The following GPR83 variants were observed in gnomAD, a reference collection of about 807,000 sequenced individuals.
GPR83 encodes G-protein coupled receptor 72.
Under a neutral mutation model 28.0 loss-of-function variants are expected in GPR83, and 23 were observed. The ratio of observed to expected loss-of-function variants is 0.82; its 90% confidence interval spans 0.59 to 1.16. GPR83 has a LOEUF of 1.16. Ranked by LOEUF, GPR83 falls within the 50% of genes most tolerant of loss-of-function variation. GPR83 has a pLI of 0.00. For missense variants in GPR83, 610 were observed against 536.6 expected (o/e 1.14, Z -1.35); for synonymous variants, 234 against 215.4 (o/e 1.09, Z -0.76).
Position 94,378,578 on chromosome 11 carries a change from T to C in GPR83, c.*1571A>G, listed in dbSNP as rs2134677547. 6.6e-6 allele frequency: 1 copy of C among 152,662 alleles called. No individual in the cohort carries two copies. The highest frequency in any genetic ancestry group is 2.1e-4 in the South Asian group (1 of 4,810). 9.5% of individuals were successfully genotyped at this position (152,662 alleles called of 1,614,324 possible). A position where few individuals can be genotyped will look rare whatever the true frequency, so the allele number is the denominator to read the frequency against. The stretch of plus-strand genomic sequence containing the variant: ...TTAGACCCTTAAGAATTGAGATCTC[T>C]TAAGGATGCATAAGTTTCTGTAAGT... On this transcript the variant is annotated 3_prime_UTR_variant, in exon 4 of 4. Coordinates refer to ENST00000243673, the MANE Select transcript of GPR83 (RefSeq NM_016540.4).
At chr11:94,384,458 G>T (rs187215312) in intron 3 of GPR83, among the ~76,000 whole-genome samples, 1 of 152,190 alleles carries the variant, frequency 6.6e-6, no homozygotes, top group Non-Finnish European at 1.5e-5. Context: ...GAGAGGTACC[G>T]GGTTCATCTC....
At chr11:94,388,736 T>C (rs10466369) in intron 3 of GPR83, among the ~76,000 whole-genome samples, 4,161 of 152,232 alleles carry the variant, frequency 0.027, 221 homozygotes, top group African/African-American at 0.095. Context: ...ATTGTGAAAA[T>C]GGCCATACTG....
intron 3 of GPR83, among the ~76,000 whole-genome samples, chr11:94,382,156 C>T (rs904959313): frequency 2.6e-5 from 4 of 152,040 alleles, no homozygotes; most frequent in Non-Finnish European, 5.9e-5. Context: ...AGTTCCAGAC[C>T]AGCCTGACCA....
chr11:94,389,375 G>C (rs1326241971), intron 3 of GPR83, among the ~76,000 whole-genome samples: 3 of 152,202 alleles, frequency 2.0e-5, no homozygotes, highest in Non-Finnish European at 4.4e-5. Flanking sequence ...ACTACCATCA[G>C]AGTGAACAGG....
chr11:94,393,060 T>C (rs528533356), intron 3 of GPR83, among the ~76,000 whole-genome samples: 17 of 152,264 alleles, frequency 1.1e-4, no homozygotes, highest in African/African-American at 3.9e-4. Context: ...ATGATAAACA[T>C]ACATGGTAGG....
intron 3 of GPR83, among the ~76,000 whole-genome samples, chr11:94,383,575 G>A (rs927989739): frequency 3.3e-5 from 5 of 152,126 alleles, no homozygotes; most frequent in Non-Finnish European, 2.9e-5. Flanking sequence ...CAACAAACTT[G>A]ATAGACCACT....
intron 3 of GPR83, among the ~76,000 whole-genome samples, chr11:94,386,015 C>T (rs1198654835): frequency 3.3e-5 from 5 of 152,176 alleles, no homozygotes; most frequent in Admixed American, 3.3e-4. Context: ...AGAAACCCTA[C>T]AAGCCAGAAG....
Position 94,379,490 on chromosome 11 carries a change from G to T in GPR83, c.*659C>A, listed in dbSNP as rs1173013643. 1 of 152,122 alleles carries T rather than the reference G, an allele frequency of 6.6e-6. No homozygotes were observed. The highest frequency in any genetic ancestry group is 6.6e-5 in the Admixed American group (1 of 15,266). 9.4% of individuals were successfully genotyped at this position (152,122 alleles called of 1,614,324 possible). ...TCACAGATGTTATCACAAATGGATG[G>T]GATAAGAGAGTGATTTTGTGTGTGT... On this transcript the variant is annotated 3_prime_UTR_variant, in exon 4 of 4. Coordinates refer to ENST00000243673, the MANE Select transcript of GPR83 (RefSeq NM_016540.4).
At chr11:94,384,906 G>A (rs1944733698) in intron 3 of GPR83, among the ~76,000 whole-genome samples, 1 of 152,212 alleles carries the variant, frequency 6.6e-6, no homozygotes, top group East Asian at 1.9e-4. Context: ...GTCCTCAAGT[G>A]GGTCCTTGAC....
At chr11:94,385,878 C>T (rs986638458) in intron 3 of GPR83, among the ~76,000 whole-genome samples, 2 of 152,116 alleles carry the variant, frequency 1.3e-5, no homozygotes, top group Non-Finnish European at 2.9e-5. Flanking sequence ...AGAAGAGCAA[C>T]TCCAAGACAC....
At chr11:94,398,984 T>TG (rs1407101812) in intron 1 of GPR83, among the ~76,000 whole-genome samples, 1 of 152,200 alleles carries the variant, frequency 6.6e-6, no homozygotes, top group Non-Finnish European at 1.5e-5. Context: ...GGAGATCCTC[T>TG]GGGGCAGGTA....
rs1017030274 is a variant in GPR83 at position 94,380,224 on chromosome 11, G to T, written c.1197C>A (p.Asn399Lys). 2 of 1,524,712 alleles carry T rather than the reference G, an allele frequency of 1.3e-6. No individual in the cohort carries two copies. Among genetic ancestry groups the T allele is most frequent in the South Asian group, 2.6e-5 (2 of 75,612 alleles). The allele number at this position is 1,524,712 out of a possible 1,614,324, so 94.4% of individuals were successfully genotyped here. A position where few individuals can be genotyped will look rare whatever the true frequency, so the allele number is the denominator to read the frequency against. Reference sequence around the variant, plus strand: ...ACTGGAGTTGGGAGGTGGGCAGGAGGTTATTGGCAAGGGGAGCCCTCTGGC... The same window carrying T: ...ACTGGAGTTGGGAGGTGGGCAGGAGTTTATTGGCAAGGGGAGCCCTCTGGC... ...NDGQRAPLAN[N>K]LLPTSQLQSG... Residue 399 changes from asparagine (N) to lysine (K), a missense_variant, in exon 4 of 4, where the codon AAC becomes AAA. Physicochemically the swap from Asn to Lys is moderately conservative, Grantham distance 94. Coordinates refer to ENST00000243673, the MANE Select transcript of GPR83 (RefSeq NM_016540.4).
In GPR83 at chr11:94,396,527, G is replaced by A; in HGVS notation, c.388-3C>T. ...CATGTGCTGTTCACAAAGCGAACCTGGAGATGAGCCCAAAGATGTTAGGAG... is the reference window on the plus strand; with the variant it reads ...CATGTGCTGTTCACAAAGCGAACCTAGAGATGAGCCCAAAGATGTTAGGAG... On this transcript the variant is annotated splice_polypyrimidine_tract_variant and splice_region_variant and intron_variant, in intron 1 of 3. Transcript: ENST00000243673. 1 of 1,613,426 alleles carries A rather than the reference G, an allele frequency of 6.2e-7. No individual in the cohort carries two copies. The highest frequency in any genetic ancestry group is 2.2e-5 in the East Asian group (1 of 44,880).
At position 94,400,966 on chromosome 11, in the gene GPR83, A is replaced by G; in HGVS notation, c.282T>C (p.His94=). ...FSLFGNVLVC[H]VIFKNQRMHS... ...GCATTCGCTGGTTCTTGAAGATGAC[A>G]TGACAGACCAGGACGTTGCCAAAGA... The change falls in exon 1 of 4, where the codon CAT becomes CAC. Residue 94 remains histidine, a synonymous_variant. Transcript: ENST00000243673. The G allele has an allele frequency of 6.2e-7, 1 of 1,614,140 alleles. No individual in the cohort carries two copies.
rs2134696146 is a variant in GPR83 at position 94,396,500 on chromosome 11, T to C, written c.412A>G (p.Ile138Val). 6.2e-7 allele frequency: 1 copy of C among 1,613,934 alleles called. No homozygotes were observed. The highest frequency in any genetic ancestry group is 2.2e-5 in the East Asian group (1 of 44,864). ...ACATGGCACATGCCCTTCCCAAATA[T>C]CCATGTGCTGTTCACAAAGCGAACC... ...TLVRFVNSTWIFGKGMCHVSR... is the reference protein window; with the variant it reads ...TLVRFVNSTWVFGKGMCHVSR... The change falls in exon 2 of 4, where the codon ATA (isoleucine) becomes GTA (valine). Residue 138 changes from isoleucine to valine, a missense_variant. Transcript: ENST00000243673.
intron 1 of GPR83, among the ~76,000 whole-genome samples, chr11:94,399,703 C>T (rs1248264447): frequency 6.6e-6 from 1 of 152,088 alleles, no homozygotes; most frequent in Admixed American, 6.5e-5. Context: ...GGCAAGGAGA[C>T]AGACAGAGAG....
rs549146816 is a variant in GPR83 at position 94,381,647 on chromosome 11, G to T, written c.648-874C>A. Among the ~76,000 whole-genome samples the T allele has an allele frequency of 2.6e-5, 4 of 151,898 alleles. No individual in the cohort carries two copies. The South Asian group carries it at 6.3e-4, about 24-fold the overall frequency. On this transcript the variant is annotated intron_variant, in intron 3 of 3. Transcript: ENST00000243673. ...ACACTCCCTGGATCCCTGCAGTCTG[G>T]AGAACCAACCCCCCAGGAAGAAACA...
Position 94,393,635 on chromosome 11 carries a change from C to A in GPR83, c.514-17G>T, listed in dbSNP as rs200379878. ...CATGATGACCTGGAAAACAAGCAAA[C>A]CACATCACTAACTGAAGACGTTTTG... is the stretch of plus-strand genomic sequence containing the variant. On this transcript the variant is annotated splice_polypyrimidine_tract_variant and intron_variant, in intron 2 of 3. Coordinates refer to ENST00000243673, the MANE Select transcript of GPR83 (RefSeq NM_016540.4). 1.2e-6 allele frequency: 2 copies of A among 1,613,322 alleles called. No homozygotes were observed. The highest frequency in any genetic ancestry group is 2.7e-5 in the African/African-American group (2 of 74,980).
chr11:94,399,244 G>A (rs1944891118), intron 1 of GPR83, among the ~76,000 whole-genome samples: 1 of 152,332 alleles, frequency 6.6e-6, no homozygotes, highest in Admixed American at 6.5e-5. Context: ...CACCCAGGGA[G>A]GAGGAGAGTA....
Sources: gnomAD v4.1 joint callset for allele counts (sites outside exome capture counted in the v4.1 genomes callset) on GRCh38, gnomAD v4.1.1 for gene constraint, MANE v1.5 for transcripts, NCBI Gene and HGNC (gene_info 2026-07-23, HGNC 2026-07-21) for gene names.